The following HPS5 variants were observed in gnomAD, a reference collection of about 807,000 sequenced individuals.
HPS5 encodes the protein HPS5 biogenesis of lysosomal organelles complex 2 subunit 2.
In HPS5, 83 loss-of-function variants were observed where a neutral mutation model predicts 128.0. The ratio of observed to expected loss-of-function variants is 0.65; its 90% confidence interval spans 0.54 to 0.78. The LOEUF (loss-of-function observed/expected upper bound fraction) is 0.78. Among genes scored for constraint, HPS5 ranks in the 30% least tolerant of loss-of-function variants. The pLI is 0.00. For missense variants in HPS5, 1,281 were observed against 1,326.2 expected, an observed-to-expected ratio of 0.97 and a Z score of 0.53; for synonymous variants, 475 against 470.2, an observed-to-expected ratio of 1.01 and a Z score of -0.13.
In HPS5 at chr11:18,280,564, GT is replaced by G. The variant is rs548213437; in HGVS notation, c.3330-623del. 4.4e-4 allele frequency: 310 copies of G among 700,682 alleles called. 1 individual carries two copies. In the African/African-American group the frequency reaches 4.9e-3, roughly 11 times the overall value. 43.4% of individuals were successfully genotyped at this position (700,682 alleles called of 1,614,324 possible). ...TATACCCGAAAGAACTGAAAGCAGT[GT>G]CTGGAAGACATATTTGTATACTCAT... On this transcript the variant is annotated intron_variant, in intron 22 of 22. Transcript: ENST00000349215.
chr11:18,291,764 T>C lies in HPS5; in HGVS notation c.2118A>G (p.Ala706=). 6.2e-7 allele frequency: 1 copy of C among 1,614,206 alleles called. No individual in the cohort carries two copies. Among genetic ancestry groups the C allele is most frequent in the Non-Finnish European group, 8.5e-7 (1 of 1,179,992 alleles). Residue 706 remains alanine (A), a synonymous_variant, in exon 16 of 23, where the codon GCA becomes GCG. Transcript: ENST00000349215. ...CCCTTGGACTCCTTACACATTCACA[T>C]GCTGTTTTATCAACAGATTCTTCAT... ...LGNEESVDKT[A]CECVRSPRES... is the part of the protein sequence containing the mutation.
chr11:18,293,046 G>T, intron 14 of HPS5, 70 bp from the exon 15 acceptor site: 1 of 1,141,568 alleles, frequency 8.8e-7, no homozygotes, highest in Non-Finnish European at 1.3e-6. Context: ...TTTTGAGACA[G>T]GGTCTCACTC....
Position 18,297,611 on chromosome 11 carries a change from A to G in HPS5, c.1271T>C (p.Phe424Ser). 6.2e-7 allele frequency: 1 copy of G among 1,614,102 alleles called. No individual in the cohort carries two copies. The highest frequency in any genetic ancestry group is 8.5e-7 in the Non-Finnish European group (1 of 1,179,956). ...GCTACAAGCTGAATCCAAAGGTTCA[A>G]ATTTTAAGATCAATTCTTCCAGTTG... Reference protein sequence around the residue: ...ISQLEELILKFEPLDSACSSR... With the variant: ...ISQLEELILKSEPLDSACSSR... Residue 424 changes from phenylalanine (F) to serine (S), a missense_variant, in exon 11 of 23, where the codon TTT (phenylalanine) becomes TCT (serine). Physicochemically the swap from Phe to Ser is radical, Grantham distance 155. Coordinates refer to ENST00000349215, the MANE Select transcript of HPS5 (RefSeq NM_181507.2).
At chr11:18,317,931 A>C (rs1863841837) in intron 1 of HPS5, 24 bp from the exon 2 acceptor site, 2 of 1,512,224 alleles carry the variant, frequency 1.3e-6, no homozygotes, top group Non-Finnish European at 1.8e-6. Flanking sequence ...ACAAAAATAT[A>C]ATTTAAGAAG....
At chr11:18,280,127 C>G (rs1030224001) in intron 22 of HPS5, among the ~76,000 whole-genome samples, 185 bp from the exon 23 acceptor site, 2 of 152,190 alleles carry the variant, frequency 1.3e-5, no homozygotes, top group African/African-American at 4.8e-5. Context: ...AATCATGTAT[C>G]TGATAAGAGG....
At chr11:18,311,508 ATTAT>A (rs1862995064) in intron 3 of HPS5, 57 bp from the exon 4 acceptor site, 5 of 779,138 alleles carry the variant, frequency 6.4e-6, no homozygotes, top group Non-Finnish European at 7.5e-6. Context: ...TATTATTATT[ATTAT>A]TTTTTTTTTT....
rs781583771 is a variant in HPS5 at position 18,291,760 on chromosome 11, C to G, written c.2122G>C (p.Glu708Gln). 1.2e-6 allele frequency: 2 copies of G among 1,614,182 alleles called. No individual in the cohort carries two copies. Among genetic ancestry groups the G allele is most frequent in the Non-Finnish European group, 1.7e-6 (2 of 1,179,998 alleles). The part of the protein sequence containing the change: ...NEESVDKTAC[E>Q]CVRSPRESLD... ...GACTCCCTTGGACTCCTTACACATT[C>G]ACATGCTGTTTTATCAACAGATTCT... is the stretch of plus-strand genomic sequence containing the variant. The change falls in exon 16 of 23, where the codon GAA (glutamate) becomes CAA (glutamine). Residue 708 changes from glutamate to glutamine, a missense_variant. Coordinates refer to ENST00000349215, the MANE Select transcript of HPS5 (RefSeq NM_181507.2).
Position 18,317,121 on chromosome 11 carries a change from G to C in HPS5, c.108+630C>G, listed in dbSNP as rs901417272. Among the ~76,000 whole-genome samples the C allele has an allele frequency of 9.9e-5, 15 of 151,934 alleles. 1 individual carries two copies. Among genetic ancestry groups the C allele is most frequent in the Non-Finnish European group, 1.8e-4 (12 of 67,984 alleles). On this transcript the variant is annotated intron_variant, in intron 2 of 22. Transcript: ENST00000349215. ...AGGCAGGAAAACGGTGTGAACCCGG[G>C]AGGCGGAGCATGCAGTGAGCTGAGA...
chr11:18,314,433 G>A (rs1309875845), intron 2 of HPS5: 1 of 152,252 alleles, frequency 6.6e-6, no homozygotes, highest in Admixed American at 6.5e-5. Context: ...GGTGGCTGAG[G>A]CATGAGAATC....
chr11:18,284,210 G>C lies in HPS5; in HGVS notation c.2952-309C>G, dbSNP rs12291480. On this transcript the variant is annotated intron_variant, in intron 20 of 22. Coordinates refer to ENST00000349215, the MANE Select transcript of HPS5 (RefSeq NM_181507.2). ...AACCTAGCAACAAATGCTGACATTTGAGGCCAAGCTCCAATTATAAGGCAT... is the reference window on the plus strand; with the variant it reads ...AACCTAGCAACAAATGCTGACATTTCAGGCCAAGCTCCAATTATAAGGCAT... 0.17 allele frequency among the ~76,000 whole-genome samples: 25,037 copies of C among 150,938 alleles called. 2,270 individuals are homozygous for C. Among genetic ancestry groups the C allele is most frequent in the African/African-American group, 0.2 (8,173 of 41,222 alleles).
rs765301410 is a variant in HPS5, at chr11:18,292,971, T to C, written c.1790A>G (p.Glu597Gly). 12 of 1,613,558 alleles carry C rather than the reference T, an allele frequency of 7.4e-6. No individual in the cohort carries two copies. The highest frequency in any genetic ancestry group is 1.0e-5 in the Non-Finnish European group (12 of 1,179,500). The change falls in exon 15 of 23, where the codon GAA (glutamate) becomes GGA (glycine). Residue 597 changes from glutamate (E) to glycine (G), a missense_variant. By Grantham distance (98) the Glu-to-Gly change is moderately conservative. Transcript: ENST00000349215. ...TCPKEEDTEE[E>G]KEVTSPPPEE... ...TGGAGGTGGACTAGTTACCTCTTTT[T>C]CCTCCCTAAAAAAGTGTGCAAAATA...
chr11:18,310,947 G>C lies in HPS5; in HGVS notation c.285-14C>G, dbSNP rs1428886438. On this transcript the variant is annotated splice_polypyrimidine_tract_variant and intron_variant, in intron 4 of 22. Transcript: ENST00000349215. ...ACAAGACCTTGACTGCAAGAATTGA[G>C]TCACAGAGGCAAACGTGGCAACAGT... The C allele has an allele frequency of 6.2e-7, 1 of 1,611,700 alleles. No individual in the cohort carries two copies. The highest frequency in any genetic ancestry group is 1.3e-5 in the African/African-American group (1 of 74,866).
At chr11:18,309,104 A>G (rs764092868) in intron 5 of HPS5, 25 bp from the exon 6 acceptor site, 107 of 1,609,690 alleles carry the variant, frequency 6.6e-5, no homozygotes, top group Non-Finnish European at 8.8e-5. Context: ...AGAAAGAAAT[A>G]AAGTTTATTT....
rs748275573 is a variant in HPS5, at chr11:18,285,445, A to C, written c.2852T>G (p.Leu951Trp). 3 of 1,609,238 alleles carry C rather than the reference A, an allele frequency of 1.9e-6. No individual in the cohort carries two copies. The highest frequency in any genetic ancestry group is 2.6e-6 in the Non-Finnish European group (3 of 1,175,658). Residue 951 changes from leucine (L) to tryptophan (W), a missense_variant, in exon 20 of 23, where the codon TTG becomes TGG. Leu to Trp is a moderately conservative substitution (Grantham distance 61). Coordinates refer to ENST00000349215, the MANE Select transcript of HPS5 (RefSeq NM_181507.2). The stretch of plus-strand genomic sequence containing the variant: ...CAGCTGACTGTAACCCCAGGAAAGC[A>C]AGTGTGAATGAGGCCTATGAAATGA... The part of the protein sequence containing the change: ...DEGYPRPHSH[L>W]LSWGYSQLIL...
rs1859031831 is a variant in HPS5 at position 18,281,966 on chromosome 11, C to T, written c.3313G>A (p.Ala1105Thr). 1.2e-6 allele frequency: 2 copies of T among 1,614,094 alleles called. No homozygotes were observed. The highest frequency in any genetic ancestry group is 8.5e-7 in the Non-Finnish European group (1 of 1,180,050). The change falls in exon 22 of 23, where the codon GCT (alanine) becomes ACT (threonine). Residue 1105 changes from alanine to threonine, a missense_variant. Transcript: ENST00000349215. ...TGATATTACCTCTGCCTTTTCTCAG[C>T]AATCCTCAGGATATCGCAGGTTCTG... The part of the protein sequence containing the change: ...FTRTCDILRI[A>T]EKRQRALIQS...
rs1859584909 is a variant in HPS5, at chr11:18,285,475, G to C, written c.2838-16C>G. Reference sequence around the variant, plus strand: ...TGAATGAGGCCTATGAAATGAAAAGGAATCAGTAAATTAGATAGGAAATAA... The same window carrying C: ...TGAATGAGGCCTATGAAATGAAAAGCAATCAGTAAATTAGATAGGAAATAA... On this transcript the variant is annotated splice_polypyrimidine_tract_variant and intron_variant, in intron 19 of 22. Coordinates refer to ENST00000349215, the MANE Select transcript of HPS5 (RefSeq NM_181507.2). 1.3e-6 allele frequency: 2 copies of C among 1,514,014 alleles called. No individual in the cohort carries two copies. The highest frequency in any genetic ancestry group is 1.4e-5 in the African/African-American group (1 of 72,772). 93.8% of individuals were successfully genotyped at this position (1,514,014 alleles called of 1,614,324 possible).
At chr11:18,293,226 T>C (rs940884596) in intron 14 of HPS5, among the ~76,000 whole-genome samples, 1 of 152,114 alleles carries the variant, frequency 6.6e-6, no homozygotes, top group African/African-American at 2.4e-5. Context: ...TGGAGTGCAG[T>C]GGCATGATCT....
intron 10 of HPS5, 76 bp from the exon 11 acceptor site, chr11:18,297,793 G>A (rs1760508879): frequency 4.9e-6 from 7 of 1,420,434 alleles, no homozygotes; most frequent in African/African-American, 1.4e-5. Flanking sequence ...ATTGAAAGAG[G>A]TCTAGGCCGG....
chr11:18,321,110 T>C (rs1281967551), intron 1 of HPS5, among the ~76,000 whole-genome samples: 1 of 152,236 alleles, frequency 6.6e-6, no homozygotes, highest in Non-Finnish European at 1.5e-5. Flanking sequence ...CAATTTATTA[T>C]CCTACTTTTG....
Sources: gnomAD v4.1 joint callset for allele counts (sites outside exome capture counted in the v4.1 genomes callset) on GRCh38, gnomAD v4.1.1 for gene constraint, MANE v1.5 for transcripts, NCBI Gene and HGNC (gene_info 2026-07-23, HGNC 2026-07-21) for gene names.